Variants in CRPPA observed in about 807,000 individuals in gnomAD.
CRPPA encodes the protein D-ribitol-5-phosphate cytidylyltransferase.
CRPPA carries 43 observed loss-of-function variants against 52.0 expected under a neutral mutation model. The ratio of observed to expected loss-of-function variants is 0.83; its 90% CI spans 0.65 to 1.07. CRPPA has a LOEUF of 1.07. Ranked by LOEUF, CRPPA falls within the 50% of genes least tolerant of loss-of-function variation. CRPPA has a pLI of 0.00. For missense variants in CRPPA, 629 were observed against 551.7 expected (o/e 1.14, Z -1.40); for synonymous variants, 250 against 203.5 (o/e 1.23, Z -1.94).
intron 3 of CRPPA, among the ~76,000 whole-genome samples, chr7:16,328,080 T>G (rs186516683): frequency 6.6e-6 from 1 of 152,364 alleles, no homozygotes; most frequent in East Asian, 1.9e-4. Context: ...CATATGTATT[T>G]CACTTTATAC....
At chr7:16,265,208 A>T (rs1163686820) in intron 6 of CRPPA, among the ~76,000 whole-genome samples, 1 of 152,130 alleles carries the variant, frequency 6.6e-6, no homozygotes, top group African/African-American at 2.4e-5. Context: ...GTGGCCTTCC[A>T]CTTCATGACC....
chr7:16,259,501 C>A (rs73684110), intron 6 of CRPPA, among the ~76,000 whole-genome samples: 5,386 of 152,038 alleles, frequency 0.035, 345 homozygotes, highest in African/African-American at 0.12. Flanking sequence ...ACTTAAACTA[C>A]ACAAACTATT....
intron 8 of CRPPA, among the ~76,000 whole-genome samples, chr7:16,254,209 A>G (rs776660831): frequency 2.3e-4 from 35 of 152,166 alleles, no homozygotes; most frequent in Non-Finnish European, 4.3e-4. Context: ...AACCAGAAAT[A>G]CCATTTAACC....
At chr7:16,260,920 C>T (rs1783777676) in intron 6 of CRPPA, among the ~76,000 whole-genome samples, 1 of 151,832 alleles carries the variant, frequency 6.6e-6, no homozygotes, top group South Asian at 2.1e-4. Context: ...CAAAACTTTG[C>T]CACCAGTTTT....
At chr7:16,398,921 C>T (rs538106890) in intron 2 of CRPPA, among the ~76,000 whole-genome samples, 11 of 152,214 alleles carry the variant, frequency 7.2e-5, no homozygotes, top group African/African-American at 2.2e-4. Flanking sequence ...GACACATGAT[C>T]GAGTCGTTAC....
chr7:16,412,176 A>T (rs1325745408), intron 1 of CRPPA, among the ~76,000 whole-genome samples: 1 of 152,176 alleles, frequency 6.6e-6, no homozygotes, highest in Non-Finnish European at 1.5e-5. Context: ...ATTGTATGAG[A>T]CTCTAAACAG....
intron 9 of CRPPA, among the ~76,000 whole-genome samples, chr7:16,127,772 A>C (rs1400850744): frequency 6.6e-6 from 1 of 152,166 alleles, no homozygotes; most frequent in Non-Finnish European, 1.5e-5. Context: ...AAGTAACCTG[A>C]CTATAGTTTT....
In CRPPA at chr7:16,112,876, CT is replaced by C. The variant is rs552279882; in HGVS notation, c.1252-21078del. Among the ~76,000 whole-genome samples, 789 of 151,868 alleles carry C rather than the reference CT, an allele frequency of 5.2e-3. 6 individuals are homozygous for C. The highest frequency in any genetic ancestry group is 0.011 in the African/African-American group (458 of 41,420). On this transcript the variant is annotated intron_variant, in intron 9 of 9. Transcript: ENST00000407010. ...ATATATAAAGATATGAATATATAGA[CT>C]TTTTTTTCCCCTGATGGAATATGTA...
At chr7:16,276,167 C>T (rs1168374433) in intron 6 of CRPPA, among the ~76,000 whole-genome samples, 1 of 151,952 alleles carries the variant, frequency 6.6e-6, no homozygotes, top group African/African-American at 2.4e-5. Flanking sequence ...TAGAAAAACT[C>T]AGGAGAATGT....
At chr7:16,291,870 T>C (rs1466016118) in intron 5 of CRPPA, among the ~76,000 whole-genome samples, 1 of 151,912 alleles carries the variant, frequency 6.6e-6, no homozygotes, top group African/African-American at 2.4e-5. Flanking sequence ...CAGATTTTCC[T>C]GAACTCTAAT....
chr7:16,286,076 TA>T (rs1562608600), intron 5 of CRPPA, among the ~76,000 whole-genome samples: 220 of 18,228 alleles, frequency 0.012, 11 homozygotes, highest in Admixed American at 0.021. Context: ...TATATATATA[TA>T]TATAATATTT....
At chr7:16,273,478 G>T (rs976967925) in intron 6 of CRPPA, among the ~76,000 whole-genome samples, 2 of 151,888 alleles carry the variant, frequency 1.3e-5, no homozygotes, top group African/African-American at 4.8e-5. Flanking sequence ...CGGCTTGACG[G>T]TAGGACCACA....
intron 5 of CRPPA, among the ~76,000 whole-genome samples, chr7:16,290,218 T>A (rs1022142079): frequency 6.6e-6 from 1 of 151,710 alleles, no homozygotes; most frequent in Non-Finnish European, 1.5e-5. Flanking sequence ...ATGACCACAC[T>A]ATATCCAAAG....
intron 3 of CRPPA, among the ~76,000 whole-genome samples, chr7:16,337,874 G>T (rs62441915): frequency 0.22 from 33,019 of 152,026 alleles, 4,462 homozygotes; most frequent in Admixed American, 0.3. Context: ...CCCCAGAAAA[G>T]CCCAGAACCA....
At chr7:16,297,158 T>G (rs1374638928) in intron 5 of CRPPA, among the ~76,000 whole-genome samples, 1 of 152,174 alleles carries the variant, frequency 6.6e-6, no homozygotes, top group African/African-American at 2.4e-5. Flanking sequence ...GATCTTGCTC[T>G]TACCAACCGT....
chr7:16,270,408 C>T (rs941833148), intron 6 of CRPPA: 2 of 151,964 alleles, frequency 1.3e-5, no homozygotes, highest in South Asian at 4.2e-4. Flanking sequence ...GCAAATTATC[C>T]TAGCTCCCTC....
At chr7:16,246,639 A>G (rs1488124980) in intron 8 of CRPPA, among the ~76,000 whole-genome samples, 1 of 152,234 alleles carries the variant, frequency 6.6e-6, no homozygotes, top group Non-Finnish European at 1.5e-5. Context: ...GCAGATATAA[A>G]GTAACATTAA....
intron 1 of CRPPA, among the ~76,000 whole-genome samples, chr7:16,419,033 T>A (rs962398478): frequency 1.3e-5 from 2 of 152,194 alleles, no homozygotes; most frequent in Non-Finnish European, 2.9e-5. Context: ...AGCTATGTTG[T>A]CACAATGTTC....
At chr7:16,308,059 TGTTCTCCAA>T (rs1784952430) in intron 4 of CRPPA, among the ~76,000 whole-genome samples, 1 of 152,074 alleles carries the variant, frequency 6.6e-6, no homozygotes, top group Admixed American at 6.6e-5. Context: ...GCCTTGGAGC[TGTTCTCCAA>T]GTGAGTGAGG....
Sources: allele counts gnomAD v4.1 joint callset (sites outside exome capture counted in the v4.1 genomes callset), GRCh38; gene constraint gnomAD v4.1.1; transcripts MANE v1.5; gene names NCBI Gene and HGNC (gene_info 2026-07-23, HGNC 2026-07-21).